TACC1: variants seen among roughly 807,000 people sequenced by gnomAD.
TACC1 encodes transforming acidic coiled-coil-containing protein 1.
TACC1 carries 48 observed loss-of-function variants against 84.4 expected under a neutral mutation model. The ratio of observed to expected loss-of-function variants is 0.57; its 90% CI spans 0.45 to 0.72. The LOEUF (loss-of-function observed/expected upper bound fraction) is 0.72. Ranked by LOEUF, TACC1 falls within the 30% of genes least tolerant of loss-of-function variation. TACC1 has a pLI of 0.00. For missense variants in TACC1, 920 were observed against 973.0 expected, an observed-to-expected ratio of 0.95 and a Z score of 0.72; for synonymous variants, 372 against 376.3, an observed-to-expected ratio of 0.99 and a Z score of 0.13.
chr8:38,843,475 G>A (rs933941567), intron 11 of TACC1, 80 bp downstream of exon 11: 43 of 967,180 alleles, frequency 4.4e-5, no homozygotes, highest in South Asian at 9.2e-5. Context: ...TCACTGTTTC[G>A]CAACTCCAGG....
chr8:38,834,935 G>T (rs898636932), intron 6 of TACC1, among the ~76,000 whole-genome samples: 1 of 152,168 alleles, frequency 6.6e-6, no homozygotes, highest in Non-Finnish European at 1.5e-5. Flanking sequence ...TGTTCCCAAA[G>T]TATTAGATGA....
At chr8:38,779,132 G>A (rs1223395907) in intron 3 of TACC1, among the ~76,000 whole-genome samples, 1 of 151,870 alleles carries the variant, frequency 6.6e-6, no homozygotes, top group Admixed American at 6.6e-5. Flanking sequence ...ACACCACCAC[G>A]CCTGGCTACT....
At chr8:38,831,272 A>G (rs1829178699) in intron 6 of TACC1, 95 bp downstream of exon 6, 1 of 1,222,224 alleles carries the variant, frequency 8.2e-7, no homozygotes, top group Non-Finnish European at 1.2e-6. Flanking sequence ...GGTCAGTGTT[A>G]GGTGATGAGG....
At chr8:38,809,053 A>G (rs568165104) in intron 2 of TACC1, among the ~76,000 whole-genome samples, 81 of 151,806 alleles carry the variant, frequency 5.3e-4, no homozygotes, top group African/African-American at 1.9e-3. Flanking sequence ...CCGGGGGTGT[A>G]TTTTCAGTGG....
Position 38,731,737 on chromosome 8 carries a change from A to AAACAACAACAACAAC in TACC1, c.-675+3084_-675+3098dup, listed in dbSNP as rs56770897. Among the ~76,000 whole-genome samples the AAACAACAACAACAAC allele has an allele frequency of 7.1e-3, 942 of 133,142 alleles. 9 individuals are homozygous for AAACAACAACAACAAC. The highest frequency in any genetic ancestry group is 0.021 in the African/African-American group (821 of 38,388). 87.3% of individuals were successfully genotyped at this position (133,142 alleles called of 152,430 possible). A position where few individuals can be genotyped will look rare whatever the true frequency, so the allele number is the denominator to read the frequency against. On this transcript the variant is annotated intron_variant, in intron 1 of 14. Coordinates refer to the TACC1 transcript ENST00000518415. ...GCTGTTCTCCCAGAGATAAAACTGA[A>AAACAACAACAACAAC]AACAACAACAACAACAACAACAACA...
chr8:38,745,546 TTTG>T (rs761849806), intron 3 of TACC1: 64 of 674,150 alleles, frequency 9.5e-5, no homozygotes, highest in Non-Finnish European at 1.4e-4. Flanking sequence ...TTTGTTTGTT[TTTG>T]TTTTTGTTTT....
At chr8:38,774,882 A>T (rs1254342671) in intron 3 of TACC1, among the ~76,000 whole-genome samples, 1 of 151,966 alleles carries the variant, frequency 6.6e-6, no homozygotes, top group East Asian at 1.9e-4. Context: ...ATGGTGGCAC[A>T]TGCATGTAAT....
chr8:38,808,478 T>C (rs970386565), intron 2 of TACC1, among the ~76,000 whole-genome samples: 2 of 152,244 alleles, frequency 1.3e-5, no homozygotes, highest in Admixed American at 6.5e-5. Context: ...AGTGGTGTGA[T>C]CATAGATTAC....
intron 2 of TACC1, among the ~76,000 whole-genome samples, chr8:38,807,710 T>C (rs534595183): frequency 6.6e-6 from 1 of 152,346 alleles, no homozygotes; most frequent in Non-Finnish European, 1.5e-5. Context: ...TATTTTGTGA[T>C]AACATTTCCC....
chr8:38,834,072 C>T (rs1829765321), intron 6 of TACC1, among the ~76,000 whole-genome samples: 1 of 152,202 alleles, frequency 6.6e-6, no homozygotes, highest in South Asian at 2.1e-4. Flanking sequence ...ACACTTAAAG[C>T]AAGTGTTTAT....
intron 1 of TACC1, among the ~76,000 whole-genome samples, chr8:38,730,915 TTTTG>T (rs1804805626): frequency 1.3e-5 from 2 of 152,060 alleles, no homozygotes; most frequent in East Asian, 1.9e-4. Context: ...GTGGTATAGT[TTTTG>T]TTTGTTTGTT....
chr8:38,748,166 C>T (rs201942563), intron 3 of TACC1, among the ~76,000 whole-genome samples: 9 of 151,872 alleles, frequency 5.9e-5, no homozygotes, highest in Admixed American at 1.3e-4. Context: ...GGAGTGGCTA[C>T]ATTAGTATCA....
At chr8:38,792,061 A>G (rs974440172) in intron 2 of TACC1, among the ~76,000 whole-genome samples, 1 of 152,216 alleles carries the variant, frequency 6.6e-6, no homozygotes, top group Non-Finnish European at 1.5e-5. Flanking sequence ...CCACATATAG[A>G]AGCAGGTTTT....
intron 1 of TACC1, among the ~76,000 whole-genome samples, chr8:38,740,061 A>G (rs1042470715): frequency 1.3e-5 from 2 of 152,202 alleles, no homozygotes; most frequent in African/African-American, 4.8e-5. Flanking sequence ...TCAGCTAACC[A>G]CATTCCTTGA....
intron 3 of TACC1, among the ~76,000 whole-genome samples, chr8:38,750,027 A>G (rs1332089132): frequency 6.6e-6 from 1 of 152,210 alleles, no homozygotes; most frequent in Non-Finnish European, 1.5e-5. Context: ...TTGAAAGCCT[A>G]TAAGAAGGGG....
intron 3 of TACC1, among the ~76,000 whole-genome samples, chr8:38,823,514 A>C (rs1400280564): frequency 6.6e-6 from 1 of 152,210 alleles, no homozygotes; most frequent in Non-Finnish European, 1.5e-5. Flanking sequence ...GGCCAAAGAA[A>C]GGGTAATTTA....
In TACC1 at chr8:38,747,707, A is replaced by G. The variant is rs140438893; in HGVS notation, c.26+2214A>G. The stretch of plus-strand genomic sequence containing the variant: ...AAGGGTTGGGCAGAGGCAAGGATGA[A>G]TAGATGAAACATAGAAGATTTTTAA... On this transcript the variant is annotated intron_variant, in intron 3 of 14. Coordinates refer to the TACC1 transcript ENST00000518415. Among the ~76,000 whole-genome samples the G allele has an allele frequency of 4.4e-3, 676 of 152,378 alleles. 2 individuals carry two copies. The highest frequency in any genetic ancestry group is 9.1e-3 in the Admixed American group (139 of 15,300).
intron 5 of TACC1, among the ~76,000 whole-genome samples, chr8:38,828,352 A>G (rs1828561417): frequency 6.6e-6 from 1 of 152,228 alleles, no homozygotes; most frequent in Non-Finnish European, 1.5e-5. Flanking sequence ...CACAAGGTTC[A>G]TGGCTGAGAC....
intron 3 of TACC1, among the ~76,000 whole-genome samples, chr8:38,746,017 A>C (rs1481317875): frequency 6.6e-6 from 1 of 152,066 alleles, no homozygotes; most frequent in African/African-American, 2.4e-5. Context: ...GGGTCTTGCT[A>C]TGTTGCCTAG....
Sources: gnomAD v4.1 joint callset for allele counts (sites outside exome capture counted in the v4.1 genomes callset) on GRCh38, gnomAD v4.1.1 for gene constraint, MANE v1.5 for transcripts, NCBI Gene and HGNC (gene_info 2026-07-23, HGNC 2026-07-21) for gene names.